FGF22: variants seen among roughly 807,000 people sequenced by gnomAD.
The protein encoded by FGF22 is FGF-22.
FGF22 carries 11 observed loss-of-function variants against 10.3 expected under a neutral mutation model. That is an observed-to-expected ratio of 1.07 (90% confidence interval 0.67 to 1.77). The LOEUF (loss-of-function observed/expected upper bound fraction) is 1.77, where lower values mean the gene tolerates loss of function less well. Among genes scored for constraint, FGF22 ranks in the 40% most tolerant of loss-of-function variants. The probability of loss-of-function intolerance (pLI) is 0.00; values close to 1 mark genes in which losing one functional copy is unlikely to be tolerated. For synonymous variants in FGF22, 136 were observed against 122.1 expected, an observed-to-expected ratio of 1.11 and a Z score of -0.75; for missense variants, 317 against 273.2, an observed-to-expected ratio of 1.16 and a Z score of -1.13.
At position 643,438 on chromosome 19, in the gene FGF22, G is replaced by A. The variant is rs780966247; in HGVS notation, c.347G>A (p.Arg116Gln). Reference sequence around the variant, plus strand: ...CTCTACACCGTGGACTGCAGGTTCCGGGAGCGCATCGAAGAGAACGGCCAC... The same window carrying A: ...CTCTACACCGTGGACTGCAGGTTCCAGGAGCGCATCGAAGAGAACGGCCAC... The change falls in exon 3 of 3, where the codon CGG becomes CAG. Residue 116 changes from arginine (R) to glutamine (Q), a missense_variant. By Grantham distance (43) the Arg-to-Gln change is conservative. Transcript: ENST00000215530. 9.5e-5 allele frequency: 153 copies of A among 1,611,338 alleles called. No homozygotes were observed. The highest frequency in any genetic ancestry group is 1.1e-4 in the Non-Finnish European group (128 of 1,179,310).
Position 640,001 on chromosome 19 carries a change from GCGTC to G in FGF22, c.77_80del (p.Ala26GlyfsTer71). On this transcript the variant is annotated frameshift_variant, in exon 1 of 3. Coordinates refer to ENST00000215530, the Ensembl canonical transcript of FGF22. LOFTEE classifies it high-confidence loss of function. ...GCCGGACGCCGCGGGAACCCCGAGCGCGTCGCGGGGACCGCGCAGCTACCCGCAC... is the reference window on the plus strand; with the variant it reads ...GCCGGACGCCGCGGGAACCCCGAGCGGCGGGGACCGCGCAGCTACCCGCAC... The G allele has an allele frequency of 7.6e-7, 1 of 1,307,514 alleles. No homozygotes were observed. Among genetic ancestry groups the G allele is most frequent in the Non-Finnish European group, 9.7e-7 (1 of 1,032,264 alleles). The allele number at this position is 1,307,514 out of a possible 1,614,324, so 81.0% of individuals were successfully genotyped here.
chr19:640,273 T>A, intron 1 of FGF22, 134 bp downstream of exon 1: 1 of 534,528 alleles, frequency 1.9e-6, no homozygotes, highest in Non-Finnish European at 2.8e-6. Flanking sequence ...TCAGTTTCCG[T>A]GGTCTGTGAG....
exon 3 of FGF22, chr19:643,710 G>A (rs376900340): frequency 3.1e-5 from 30 of 977,046 alleles, no homozygotes; most frequent in South Asian, 1.0e-4. Flanking sequence ...AGTGCCCACC[G>A]TGTGCGGGCG....
At chr19:640,272 G>C in intron 1 of FGF22, 133 bp downstream of exon 1, 1 of 540,878 alleles carries the variant, frequency 1.8e-6, no homozygotes, top group East Asian at 3.6e-5. Context: ...CTCAGTTTCC[G>C]TGGTCTGTGA....
intron 1 of FGF22, among the ~76,000 whole-genome samples, chr19:642,994 C>T (rs879452521): frequency 8.2e-6 from 1 of 121,720 alleles, no homozygotes; most frequent in Non-Finnish European, 1.8e-5. Flanking sequence ...TCGTGGGGGC[C>T]GTCCTGCTTC....
exon 3 of FGF22, chr19:643,959 C>A: frequency 5.3e-6 from 1 of 189,264 alleles, no homozygotes; most frequent in Admixed American, 5.9e-5. Context: ...GGGAGGGGGC[C>A]GGGGAGACGG....
In FGF22 at chr19:643,994, C is replaced by G. The variant is rs547992942; in HGVS notation, c.*390C>G. 33 of 272,618 alleles carry G rather than the reference C, an allele frequency of 1.2e-4. 1 individual carries two copies. Among genetic ancestry groups the G allele is most frequent in the African/African-American group, 7.2e-4 (32 of 44,640 alleles). 16.9% of individuals were successfully genotyped at this position (272,618 alleles called of 1,614,324 possible). The stretch of plus-strand genomic sequence containing the variant: ...GTGACAGACGCCGCAGAACACCAGC[C>G]TCGAAGCCGGTCCCGTCCCGGGAAT... On this transcript the variant is annotated 3_prime_UTR_variant, in exon 3 of 3. Coordinates refer to ENST00000215530, the Ensembl canonical transcript of FGF22.
chr19:640,812 G>C (rs1985873386), intron 1 of FGF22: 1 of 224,290 alleles, frequency 4.5e-6, no homozygotes, highest in Admixed American at 5.0e-5. Flanking sequence ...CGGGCGGGGG[G>C]CACTGGGAAG....
chr19:640,168 TG>T, intron 1 of FGF22, 29 bp downstream of exon 1: 2 of 1,247,958 alleles, frequency 1.6e-6, no homozygotes, highest in South Asian at 2.6e-5. Context: ...GGGCCTGGGG[TG>T]GGGAGGCGGC....
chr19:643,202 A>C, intron 1 of FGF22, 33 bp from the exon 2 acceptor site: 1 of 1,169,580 alleles, frequency 8.6e-7, no homozygotes, highest in Non-Finnish European at 1.1e-6. Flanking sequence ...GGGGTGAGCC[A>C]GCAAGGCCCT....
rs147002397 is a variant in FGF22 at position 643,265 on chromosome 19, G to T, written c.245G>T (p.Gly82Val). ...CTGGAGATCCGCTCTGTACACGTGG[G>T]CGTCGTGGTCATCAAAGCAGTGTCC... Residue 82 changes from glycine (G) to valine (V), a missense_variant, in exon 2 of 3, where the codon GGC becomes GTC. Gly to Val is a moderately radical substitution (Grantham distance 109). Coordinates refer to ENST00000215530, the Ensembl canonical transcript of FGF22. The T allele has an allele frequency of 9.9e-6, 16 of 1,611,740 alleles. No individual in the cohort carries two copies. The highest frequency in any genetic ancestry group is 1.3e-5 in the Non-Finnish European group (15 of 1,179,534).
Position 643,341 on chromosome 19 carries a change from G to A in FGF22, c.318+3G>A, listed in dbSNP as rs1568184708. ...GCCGGGGCCGCCTCTACGGGTCGGT[G>A]AGTGCCGGGCAGGGCTGGGCGGCGC... On this transcript the variant is annotated splice_donor_region_variant and intron_variant, in intron 2 of 2. Coordinates refer to ENST00000215530, the Ensembl canonical transcript of FGF22. The A allele has an allele frequency of 1.2e-6, 2 of 1,608,204 alleles. No individual in the cohort carries two copies. Among genetic ancestry groups the A allele is most frequent in the Non-Finnish European group, 1.7e-6 (2 of 1,177,258 alleles).
exon 3 of FGF22, chr19:643,477 C>T (rs1985980589): frequency 1.2e-6 from 2 of 1,611,052 alleles, no homozygotes; most frequent in Non-Finnish European, 1.7e-6. Flanking sequence ...ACCTACGCCT[C>T]ACAGCGCTGG....
intron 1 of FGF22, 37 bp from the exon 2 acceptor site, chr19:643,198 A>AG: frequency 9.6e-7 from 1 of 1,044,868 alleles, no homozygotes; most frequent in South Asian, 1.7e-5. Context: ...GCTGGGGGTG[A>AG]GCCAGCAAGG....
exon 1 of FGF22, chr19:640,125 G>T: frequency 7.3e-7 from 1 of 1,362,858 alleles, no homozygotes; most frequent in South Asian, 1.7e-5. Flanking sequence ...ACCCGCTGGC[G>T]CCACGGCCAG....
intron 1 of FGF22, 110 bp downstream of exon 1, chr19:640,249 G>C (rs1334951034): frequency 1.5e-6 from 1 of 675,114 alleles, no homozygotes. Flanking sequence ...AGGCTCCTCT[G>C]TGCAGCCTCG....
At chr19:640,212 T>C (rs1020001187) in intron 1 of FGF22, 73 bp downstream of exon 1, 18 of 1,057,168 alleles carry the variant, frequency 1.7e-5, no homozygotes, top group East Asian at 3.3e-5. Flanking sequence ...GTCTTCACGG[T>C]GACCTGCGCC....
chr19:640,878 C>G (rs11572857), intron 1 of FGF22: 11 of 295,120 alleles, frequency 3.7e-5, no homozygotes, highest in Non-Finnish European at 6.2e-5. Flanking sequence ...CAGGTAATCA[C>G]CCCCTGTCCT....
exon 3 of FGF22, chr19:643,571 G>A: frequency 1.3e-6 from 2 of 1,569,802 alleles, no homozygotes; most frequent in Non-Finnish European, 1.7e-6. Flanking sequence ...GGTACCACCT[G>A]TCCGCCCACT....
Sources: gnomAD v4.1 joint callset for allele counts (sites outside exome capture counted in the v4.1 genomes callset) on GRCh38, gnomAD v4.1.1 for gene constraint, MANE v1.5 for transcripts, NCBI Gene and HGNC (gene_info 2026-07-23, HGNC 2026-07-21) for gene names.